The following LGR6 variants were observed in gnomAD, a reference collection of about 807,000 sequenced individuals.
The protein encoded by LGR6 is leucine-rich repeat-containing G protein-coupled receptor 6.
Under a neutral mutation model 69.4 loss-of-function variants are expected in LGR6, and 45 were observed. The observed-to-expected ratio is 0.65, with a 90% CI of 0.51 to 0.83. LGR6 has a LOEUF of 0.83. LGR6 is among the 40% of genes least tolerant of loss of function. The pLI, the probability that LGR6 is intolerant of heterozygous loss-of-function variation, is 0.00. For missense variants in LGR6, 1,108 were observed against 1,246.7 expected (o/e 0.89, Z 1.68); for synonymous variants, 538 against 555.0 (o/e 0.97, Z 0.43).
At chr1:202,274,975 G>T (rs535064696) in intron 4 of LGR6, among the ~76,000 whole-genome samples, 62 of 152,330 alleles carry the variant, frequency 4.1e-4, no homozygotes, top group Non-Finnish European at 6.8e-4. Flanking sequence ...GTGAACTAGG[G>T]AGTGTTTCCC....
At chr1:202,247,400 T>G (rs1051106946) in intron 4 of LGR6, among the ~76,000 whole-genome samples, 2 of 152,160 alleles carry the variant, frequency 1.3e-5, no homozygotes, top group Admixed American at 1.3e-4. Context: ...CTGCGCCCTC[T>G]CCCAACCTCA....
chr1:202,289,061 A>G (rs930105213), intron 6 of LGR6, among the ~76,000 whole-genome samples: 2 of 152,220 alleles, frequency 1.3e-5, no homozygotes, highest in African/African-American at 4.8e-5. Flanking sequence ...GGGTGGTGAG[A>G]GTATGAAGTG....
intron 6 of LGR6, among the ~76,000 whole-genome samples, chr1:202,285,785 T>C (rs1571965602): frequency 6.6e-6 from 1 of 152,186 alleles, no homozygotes; most frequent in Admixed American, 6.5e-5. Context: ...GTGGCTGCCA[T>C]AACAAATTAT....
chr1:202,262,329 C>T (rs12079535), intron 4 of LGR6, among the ~76,000 whole-genome samples: 2,815 of 152,314 alleles, frequency 0.018, 79 homozygotes, highest in African/African-American at 0.062. Context: ...TTCCCAGCAT[C>T]ATTTATTAAA....
At chr1:202,290,284 C>T (rs1666701671) in intron 6 of LGR6, among the ~76,000 whole-genome samples, 1 of 152,204 alleles carries the variant, frequency 6.6e-6, no homozygotes, top group African/African-American at 2.4e-5. Context: ...AGAACTCTCT[C>T]TAACACAGAT....
At chr1:202,249,664 C>G (rs138942949) in intron 4 of LGR6, among the ~76,000 whole-genome samples, 45 of 152,334 alleles carry the variant, frequency 3.0e-4, no homozygotes, top group African/African-American at 9.4e-4. Context: ...TTCCCTAATT[C>G]GGAGACTTGG....
At position 202,318,436 on chromosome 1, in the gene LGR6, C is replaced by T. The variant is rs931640832; in HGVS notation, c.2133C>T (p.Tyr711=). ...AALPLASVGE[Y]GASPLCLPYA... ...TGCCCCTGGCCTCAGTGGGAGAATA[C>T]GGGGCCTCCCCACTCTGCCTGCCCT... Residue 711 remains tyrosine, a synonymous_variant, in exon 18 of 18, where the codon TAC becomes TAT. Coordinates refer to ENST00000367278, the MANE Select transcript of LGR6 (RefSeq NM_001017403.2). The T allele has an allele frequency of 1.1e-5, 18 of 1,610,990 alleles. 1 individual carries two copies. Among genetic ancestry groups the T allele is most frequent in the Admixed American group, 1.0e-4 (6 of 59,860 alleles).
At chr1:202,286,299 C>T (rs1476162963) in intron 6 of LGR6, among the ~76,000 whole-genome samples, 3 of 152,172 alleles carry the variant, frequency 2.0e-5, no homozygotes, top group South Asian at 2.1e-4. Context: ...AGATGAATCT[C>T]GCAAATTTGC....
rs1347166505 is a variant in LGR6, at chr1:202,195,099, G to A, written c.212+898G>A. On this transcript the variant is annotated intron_variant, in intron 1 of 17. Coordinates refer to ENST00000367278, the MANE Select transcript of LGR6 (RefSeq NM_001017403.2). ...ACCTGCACCCCCAGCCCCGCTCTGGGGCAAGGAAACCTCCTCCAGCCCAGC... is the reference window on the plus strand; with the variant it reads ...ACCTGCACCCCCAGCCCCGCTCTGGAGCAAGGAAACCTCCTCCAGCCCAGC... Among the ~76,000 whole-genome samples the A allele has an allele frequency of 2.6e-5, 4 of 152,146 alleles. No homozygotes were observed. The East Asian group carries it at 5.8e-4, about 22-fold the overall frequency.
rs890777326 is a variant in LGR6, at chr1:202,280,772, C to T, written c.645-9C>T. The T allele has an allele frequency of 1.2e-6, 2 of 1,614,158 alleles. No homozygotes were observed. The highest frequency in any genetic ancestry group is 1.7e-6 in the Non-Finnish European group (2 of 1,179,966). On this transcript the variant is annotated splice_polypyrimidine_tract_variant and intron_variant, in intron 5 of 17. Transcript: ENST00000367278. ...CACCCATTCTGATGCGTCTTTCCTT[C>T]CCGTGCAGGCATTTGCATAACAACC...
intron 11 of LGR6, 23 bp downstream of exon 11, chr1:202,304,653 C>T (rs1667850654): frequency 1.2e-5 from 19 of 1,589,720 alleles, no homozygotes; most frequent in Non-Finnish European, 1.6e-5. Flanking sequence ...AAGAATTCTA[C>T]AGTCTTGGCA....
Position 202,268,050 on chromosome 1 carries a change from G to A in LGR6, c.429-8256G>A, listed in dbSNP as rs556143425. Among the ~76,000 whole-genome samples, 14 of 152,318 alleles carry A rather than the reference G, an allele frequency of 9.2e-5. No homozygotes were observed. In the East Asian group the frequency reaches 2.5e-3, roughly 27 times the overall value. ...TTCTCCAGGAGAGAGGCTGGGAGGG[G>A]TGTCAGTCCGCGGGAAGGCAGAAGC... On this transcript the variant is annotated intron_variant, in intron 4 of 17. Transcript: ENST00000367278. The surrounding 1 kb of genome is among the most constrained non-coding windows in gnomAD (Gnocchi z 4.4).
chr1:202,242,902 T>G (rs770652113), intron 4 of LGR6, among the ~76,000 whole-genome samples: 1 of 152,220 alleles, frequency 6.6e-6, no homozygotes, highest in African/African-American at 2.4e-5. Flanking sequence ...TGGCTAGCAC[T>G]TTCCATGTGC....
At chr1:202,232,101 CAAA>C (rs34791544) in intron 3 of LGR6, among the ~76,000 whole-genome samples, 2,014 of 143,462 alleles carry the variant, frequency 0.014, 44 homozygotes, top group African/African-American at 0.045. Flanking sequence ...AACGCCGTCT[CAAA>C]AAAAAAAAAA....
chr1:202,314,746 A>G (rs1654011370), intron 16 of LGR6, 56 bp from the exon 17 acceptor site: 1 of 1,246,248 alleles, frequency 8.0e-7, no homozygotes, highest in Non-Finnish European at 1.2e-6. Flanking sequence ...GGAGAAAGGT[A>G]GGGCTTGACT....
Position 202,280,886 on chromosome 1 carries a change from GC to G in LGR6, c.716+36del, listed in dbSNP as rs1173794609. On this transcript the variant is annotated intron_variant, in intron 6 of 17. Transcript: ENST00000367278. ...TGAGGTCTTGGTCAAACTCTGTCCT[GC>G]CTGGTGATGAAAGCCTGGAGTCTTG... 3 of 1,584,338 alleles carry G rather than the reference GC, an allele frequency of 1.9e-6. No homozygotes were observed. In the East Asian group the frequency reaches 6.7e-5, roughly 36 times the overall value.
At chr1:202,315,535 A>G (rs1654079730) in intron 17 of LGR6, among the ~76,000 whole-genome samples, 1 of 152,262 alleles carries the variant, frequency 6.6e-6, no homozygotes, top group Non-Finnish European at 1.5e-5. Flanking sequence ...CTTCGCTTGC[A>G]TATAAAATGC....
chr1:202,266,801 T>C (rs1387233750), intron 4 of LGR6, among the ~76,000 whole-genome samples: 1 of 152,130 alleles, frequency 6.6e-6, no homozygotes, highest in Admixed American at 6.5e-5. Flanking sequence ...AAGTTTGTCC[T>C]ACCTCCGTGG....
At chr1:202,197,399 A>G (rs1042699846) in intron 1 of LGR6, 2 of 533,106 alleles carry the variant, frequency 3.8e-6, no homozygotes, top group African/African-American at 3.8e-5. Context: ...AGATACTCAC[A>G]ATCCTCCATA....
Sources: allele counts gnomAD v4.1 joint callset (sites outside exome capture counted in the v4.1 genomes callset), GRCh38; gene constraint gnomAD v4.1.1; non-coding constraint Gnocchi (gnomAD v3.1); transcripts MANE v1.5; gene names NCBI Gene and HGNC (gene_info 2026-07-23, HGNC 2026-07-21).